The following HECW2 variants were observed in gnomAD, a reference collection of about 807,000 sequenced individuals.
HECW2 encodes the protein E3 ubiquitin-protein ligase HECW2.
In HECW2, 61 loss-of-function variants were observed where a neutral mutation model predicts 175.2. That is an observed-to-expected ratio of 0.35 (90% CI 0.28 to 0.43). HECW2 has a LOEUF of 0.43. Among genes scored for constraint, HECW2 ranks in the 20% least tolerant of loss-of-function variants. The probability of loss-of-function intolerance (pLI) is 1.00; values close to 1 mark genes in which losing one functional copy is unlikely to be tolerated. For synonymous variants in HECW2, 671 were observed against 731.0 expected, an observed-to-expected ratio of 0.92 and a Z score of 1.32; for missense variants, 1,524 against 2,000.5, an observed-to-expected ratio of 0.76 and a Z score of 4.54.
chr2:196,537,523 C>G (rs1209665571), intron 1 of HECW2, among the ~76,000 whole-genome samples: 2 of 152,096 alleles, frequency 1.3e-5, no homozygotes, highest in Admixed American at 1.3e-4. Flanking sequence ...AAACCAGGGA[C>G]AGCATGAACC....
At chr2:196,451,156 C>T (rs572508118) in intron 1 of HECW2, among the ~76,000 whole-genome samples, 4 of 152,198 alleles carry the variant, frequency 2.6e-5, no homozygotes, top group Admixed American at 2.6e-4. Context: ...ATGGGGTAGG[C>T]TGGGCACAGT....
At chr2:196,269,042 A>G (rs1406123151) in intron 17 of HECW2, among the ~76,000 whole-genome samples, 1 of 152,226 alleles carries the variant, frequency 6.6e-6, no homozygotes, top group African/African-American at 2.4e-5. Context: ...TATGTTGGGG[A>G]AGGCACTAAG....
At chr2:196,454,604 A>G (rs896380204) in intron 1 of HECW2, among the ~76,000 whole-genome samples, 1 of 152,236 alleles carries the variant, frequency 6.6e-6, no homozygotes, top group Non-Finnish European at 1.5e-5. Context: ...ATGCCTTTTG[A>G]AAAGGAGGCA....
intron 1 of HECW2, among the ~76,000 whole-genome samples, chr2:196,481,102 A>G (rs1337873713): frequency 1.3e-5 from 2 of 152,224 alleles, no homozygotes; most frequent in African/African-American, 4.8e-5. Flanking sequence ...TGGATTCACA[A>G]TTAAACTCTT....
intron 1 of HECW2, among the ~76,000 whole-genome samples, chr2:196,490,002 A>C (rs948238697): frequency 5.9e-5 from 9 of 152,184 alleles, no homozygotes; most frequent in African/African-American, 1.9e-4. Context: ...CATACTGCAT[A>C]ATGTCCATGC....
intron 14 of HECW2, among the ~76,000 whole-genome samples, chr2:196,282,908 G>A (rs981354871): frequency 2.2e-4 from 34 of 151,986 alleles, no homozygotes; most frequent in African/African-American, 8.2e-4. Context: ...CCATTCAGAC[G>A]GTTGAGGGGT....
intron 17 of HECW2, among the ~76,000 whole-genome samples, chr2:196,269,005 T>A (rs1689625095): frequency 6.6e-6 from 1 of 152,198 alleles, no homozygotes; most frequent in Non-Finnish European, 1.5e-5. Context: ...ATTATTATAA[T>A]TTTTCCGTGG....
intron 1 of HECW2, among the ~76,000 whole-genome samples, chr2:196,530,091 A>G (rs1559161268): frequency 6.6e-6 from 1 of 152,200 alleles, no homozygotes; most frequent in African/African-American, 2.4e-5. Context: ...TCTGGCAATA[A>G]TTCTTATTTA....
chr2:196,247,559 T>C (rs1386958314), intron 19 of HECW2, among the ~76,000 whole-genome samples: 1 of 152,222 alleles, frequency 6.6e-6, no homozygotes. Flanking sequence ...GTCAGCATTT[T>C]GCTAATACTG....
rs1431403878 is a variant in HECW2, at chr2:196,318,683, A to T, written c.2207T>A (p.Val736Asp). The T allele has an allele frequency of 3.8e-6, 6 of 1,590,826 alleles. No individual in the cohort carries two copies. The African/African-American group carries it at 6.8e-5, about 18-fold the overall frequency. Residue 736 changes from valine (V) to aspartate (D), a missense_variant, in exon 9 of 29, where the codon GTC becomes GAC. Val to Asp is a radical substitution (Grantham distance 152). Around this residue, in one of 11 missense-constraint regions of HECW2, gnomAD observed 604 missense variants for 588.3 expected, o/e 1.03. Transcript: ENST00000644978. The part of the protein sequence containing the change: ...TVPDQEELGE[V>D]WQRRGSLEGA... ...CTCCAGGCTCCCCCTCCGCTGCCAG[A>T]CCTCCCCCAGCTCCTCCTGGTCAGG...
chr2:196,231,269 C>T (rs529338323), intron 21 of HECW2, among the ~76,000 whole-genome samples: 3 of 152,124 alleles, frequency 2.0e-5, no homozygotes, highest in Admixed American at 6.5e-5. Context: ...CGACTAAGGC[C>T]GAAAGAGATC....
At chr2:196,570,183 T>C (rs1157198414) in intron 1 of HECW2, among the ~76,000 whole-genome samples, 4 of 152,246 alleles carry the variant, frequency 2.6e-5, no homozygotes, top group African/African-American at 9.6e-5. Flanking sequence ...TGTAAGGTCC[T>C]GTTTTCTTAA....
intron 9 of HECW2, 80 bp downstream of exon 9, chr2:196,318,472 T>G: frequency 7.3e-7 from 1 of 1,368,192 alleles, no homozygotes; most frequent in South Asian, 2.3e-5. Context: ...CAGCCTTATT[T>G]ACATTGAGGG....
chr2:196,334,003 C>T (rs575637011), intron 4 of HECW2, among the ~76,000 whole-genome samples: 1 of 152,304 alleles, frequency 6.6e-6, no homozygotes, highest in South Asian at 2.1e-4. Context: ...TTGTGACTGC[C>T]AACTTAGACT....
At chr2:196,329,756 G>T in intron 4 of HECW2, 106 bp from the exon 5 acceptor site, 1 of 870,876 alleles carries the variant, frequency 1.1e-6, no homozygotes, top group East Asian at 2.5e-5. Context: ...TGCATCAAAC[G>T]GGTATTGTAT....
chr2:196,542,332 AAAG>A (rs1689248743), intron 1 of HECW2, among the ~76,000 whole-genome samples: 1 of 152,038 alleles, frequency 6.6e-6, no homozygotes, highest in Non-Finnish European at 1.5e-5. Context: ...GAGAAGAACA[AAAG>A]AACTAGAATT....
intron 2 of HECW2, among the ~76,000 whole-genome samples, chr2:196,360,529 C>T (rs570602422): frequency 6.6e-6 from 1 of 152,194 alleles, no homozygotes; most frequent in South Asian, 2.1e-4. Flanking sequence ...GAACAACAGA[C>T]ACTGGAGCCT....
chr2:196,318,670 C>T lies in HECW2; in HGVS notation c.2220G>A (p.Arg740=). 1 of 1,600,336 alleles carries T rather than the reference C, an allele frequency of 6.2e-7. No homozygotes were observed. The highest frequency in any genetic ancestry group is 1.7e-4 in the Middle Eastern group (1 of 5,990). The part of the protein sequence containing the change: ...QEELGEVWQR[R]GSLEGAAAAA... ...CAGCTGCAGCTCCCTCCAGGCTCCC[C>T]CTCCGCTGCCAGACCTCCCCCAGCT... The change falls in exon 9 of 29, where the codon AGG becomes AGA. Residue 740 remains arginine (R), a synonymous_variant. Coordinates refer to ENST00000644978, the MANE Select transcript of HECW2 (RefSeq NM_001348768.2).
At chr2:196,232,031 C>T (rs919982388) in intron 21 of HECW2, among the ~76,000 whole-genome samples, 6 of 151,868 alleles carry the variant, frequency 4.0e-5, no homozygotes, top group African/African-American at 7.3e-5. Context: ...CTAGGGTGTA[C>T]GCAACCTCAA....
Sources: gnomAD v4.1 joint callset for allele counts (sites outside exome capture counted in the v4.1 genomes callset) on GRCh38, gnomAD v4.1.1 for gene constraint, gnomAD v4.1.1 regional missense constraint, MANE v1.5 for transcripts, NCBI Gene and HGNC (gene_info 2026-07-23, HGNC 2026-07-21) for gene names.